SLC35D3: variants seen among roughly 807,000 people sequenced by gnomAD.
SLC35D3 encodes frc, fringe-like 1.
In SLC35D3, 18 loss-of-function variants were observed where a neutral mutation model predicts 20.3. That is an observed-to-expected ratio of 0.89 (90% CI 0.61 to 1.32). The LOEUF (loss-of-function observed/expected upper bound fraction) is 1.32, where lower values mean the gene tolerates loss of function less well. SLC35D3 is among the 40% of genes most tolerant of loss of function. The probability of loss-of-function intolerance (pLI) is 0.00; values close to 1 mark genes in which losing one functional copy is unlikely to be tolerated. For missense variants in SLC35D3, 556 were observed against 565.5 expected (o/e 0.98, Z 0.17); for synonymous variants, 313 against 263.5 (o/e 1.19, Z -1.82).
At position 136,923,812 on chromosome 6, in the gene SLC35D3, G is replaced by C; in HGVS notation, c.440-73G>C. On this transcript the variant is annotated intron_variant, in intron 1 of 1. Transcript: ENST00000331858. This position sits in a 1 kb window ranked among gnomAD's most constrained non-coding sequence, Gnocchi z 6.2. The stretch of plus-strand genomic sequence containing the variant: ...CGACGCGTTTTCCCCGTGGGTCCCC[G>C]CCCACGCCAACCTGCTGTCTTCTCT... 3 of 1,395,906 alleles carry C rather than the reference G, an allele frequency of 2.1e-6. No individual in the cohort carries two copies. The highest frequency in any genetic ancestry group is 2.8e-6 in the Non-Finnish European group (3 of 1,057,884). 86.5% of individuals were successfully genotyped at this position (1,395,906 alleles called of 1,614,324 possible).
Position 136,922,433 on chromosome 6 carries a change from G to A in SLC35D3, c.5G>A (p.Arg2Gln). The A allele has an allele frequency of 1.3e-6, 2 of 1,563,184 alleles. No homozygotes were observed. The highest frequency in any genetic ancestry group is 1.7e-6 in the Non-Finnish European group (2 of 1,158,182). Residue 2 changes from arginine to glutamine, a missense_variant, in exon 1 of 2, where the codon CGG becomes CAG. Physicochemically the swap from Arg to Gln is conservative, Grantham distance 43. Coordinates refer to ENST00000331858, the MANE Select transcript of SLC35D3 (RefSeq NM_001008783.3). This position sits in a 1 kb window ranked among gnomAD's most constrained non-coding sequence, Gnocchi z 6.8. Reference protein sequence around the residue: MRQLCRGRVLGI... With the variant: MQQLCRGRVLGI... ...GGGTGCGGCGAGGCCGGCGCGATGC[G>A]GCAGCTGTGCCGGGGCCGCGTGCTG...
chr6:136,922,625 C>T lies in SLC35D3; in HGVS notation c.197C>T (p.Ala66Val), dbSNP rs768180339. The T allele has an allele frequency of 2.5e-6, 4 of 1,610,694 alleles. No individual in the cohort carries two copies. In the East Asian group the frequency reaches 8.9e-5, roughly 36 times the overall value. Residue 66 changes from alanine to valine, a missense_variant, in exon 1 of 2, where the codon GCC becomes GTC. By Grantham distance (64) the Ala-to-Val change is moderately conservative. Coordinates refer to ENST00000331858, the MANE Select transcript of SLC35D3 (RefSeq NM_001008783.3). This position sits in a 1 kb window ranked among gnomAD's most constrained non-coding sequence, Gnocchi z 6.8. ...LELLRRLGLI[A>V]VPPFGLSLAR... ...CTGCTGCGGCGCCTCGGGCTCATCG[C>T]CGTGCCCCCCTTCGGTCTGAGCCTG...
At position 136,922,635 on chromosome 6, in the gene SLC35D3, C is replaced by T. The variant is rs771964030; in HGVS notation, c.207C>T (p.Pro69=). 6.2e-7 allele frequency: 1 copy of T among 1,610,190 alleles called. No homozygotes were observed. The highest frequency in any genetic ancestry group is 1.3e-5 in the African/African-American group (1 of 75,036). ...GCCTCGGGCTCATCGCCGTGCCCCC[C>T]TTCGGTCTGAGCCTGGCGCGCTCCT... ...LRRLGLIAVP[P]FGLSLARSFA... is the part of the protein sequence containing the mutation. Residue 69 remains proline (P), a synonymous_variant, in exon 1 of 2, where the codon CCC becomes CCT. Transcript: ENST00000331858. The surrounding 1 kb of genome is among the most constrained non-coding windows in gnomAD (Gnocchi z 6.8).
At position 136,923,888 on chromosome 6, in the gene SLC35D3, C is replaced by A; in HGVS notation, c.443C>A (p.Ala148Asp). 6.6e-7 allele frequency: 1 copy of A among 1,508,536 alleles called. No homozygotes were observed. The highest frequency in any genetic ancestry group is 8.9e-7 in the Non-Finnish European group (1 of 1,126,964). 93.4% of individuals were successfully genotyped at this position (1,508,536 alleles called of 1,614,324 possible). A position where few individuals can be genotyped will look rare whatever the true frequency, so the allele number is the denominator to read the frequency against. The change falls in exon 2 of 2, where the codon GCC becomes GAC. Residue 148 changes from alanine (A) to aspartate (D), a missense_variant. By Grantham distance (126) the Ala-to-Asp change is moderately radical. Coordinates refer to ENST00000331858, the MANE Select transcript of SLC35D3 (RefSeq NM_001008783.3). The surrounding 1 kb of genome is among the most constrained non-coding windows in gnomAD (Gnocchi z 6.2). ...ITTCGAALAG[A>D]GDLTGDPIGY... ...CCGTCCTCCTCGTGCGCCGCAGGAG[C>A]CGGCGACCTGACGGGCGACCCCATC... is the stretch of plus-strand genomic sequence containing the variant.
chr6:136,924,393 C>G lies in SLC35D3; in HGVS notation c.948C>G (p.Ala316=). Residue 316 remains alanine, a synonymous_variant, in exon 2 of 2, where the codon GCC becomes GCG. Coordinates refer to ENST00000331858, the MANE Select transcript of SLC35D3 (RefSeq NM_001008783.3). ...RKQSNYEDLE[A]QPRGEEAQLS... ...AAAGCAACTACGAGGACCTGGAGGC[C>G]CAGCCTCGGGGAGAGGAGGCGCAGC... 6.2e-7 allele frequency: 1 copy of G among 1,614,018 alleles called. No individual in the cohort carries two copies. Among genetic ancestry groups the G allele is most frequent in the Non-Finnish European group, 8.5e-7 (1 of 1,180,020 alleles).
At position 136,925,571 on chromosome 6, in the gene SLC35D3, G is replaced by A. The variant is rs1176853038; in HGVS notation, c.*875G>A. 1 of 152,174 alleles carries A rather than the reference G, an allele frequency of 6.6e-6. No homozygotes were observed. Among genetic ancestry groups the A allele is most frequent in the African/African-American group, 2.4e-5 (1 of 41,426 alleles). 9.4% of individuals were successfully genotyped at this position (152,174 alleles called of 1,614,324 possible). A position where few individuals can be genotyped will look rare whatever the true frequency, so the allele number is the denominator to read the frequency against. On this transcript the variant is annotated 3_prime_UTR_variant, in exon 2 of 2. Coordinates refer to ENST00000331858, the MANE Select transcript of SLC35D3 (RefSeq NM_001008783.3). Reference sequence around the variant, plus strand: ...AAACCATGTTACAAAAAGAGCAACTGCTATATTCACATTATGATATTTTTC... The same window carrying A: ...AAACCATGTTACAAAAAGAGCAACTACTATATTCACATTATGATATTTTTC...
rs757562966 is a variant in SLC35D3 at position 136,924,668 on chromosome 6, T to C, written c.1223T>C (p.Ile408Thr). The part of the protein sequence containing the change: ...GTRYMKKDYL[I>T]ENEELPSP Reference sequence around the variant, plus strand: ...AGGTATATGAAGAAGGATTATTTGATAGAAAACGAGGAGTTACCCAGTCCT... The same window carrying C: ...AGGTATATGAAGAAGGATTATTTGACAGAAAACGAGGAGTTACCCAGTCCT... The change falls in exon 2 of 2, where the codon ATA (isoleucine) becomes ACA (threonine). Residue 408 changes from isoleucine to threonine, a missense_variant. Transcript: ENST00000331858. 3.7e-6 allele frequency: 6 copies of C among 1,612,800 alleles called. No individual in the cohort carries two copies. The Admixed American group carries it at 1.0e-4, about 27-fold the overall frequency.
rs1193833817 is a variant in SLC35D3, at chr6:136,922,388, C to A, written c.-41C>A. The A allele has an allele frequency of 1.4e-6, 2 of 1,415,758 alleles. No individual in the cohort carries two copies. Among genetic ancestry groups the A allele is most frequent in the Non-Finnish European group, 1.8e-6 (2 of 1,092,162 alleles). 87.7% of individuals were successfully genotyped at this position (1,415,758 alleles called of 1,614,324 possible). A position where few individuals can be genotyped will look rare whatever the true frequency, so the allele number is the denominator to read the frequency against. On this transcript the variant is annotated 5_prime_UTR_variant, in exon 1 of 2. Coordinates refer to ENST00000331858, the MANE Select transcript of SLC35D3 (RefSeq NM_001008783.3). This position sits in a 1 kb window ranked among gnomAD's most constrained non-coding sequence, Gnocchi z 6.8. ...TGCTCCCGGCTCCTCGCGCGCAGGTCGCGGAGCTCCGCCACCGCTGGGTGC... is the reference window on the plus strand; with the variant it reads ...TGCTCCCGGCTCCTCGCGCGCAGGTAGCGGAGCTCCGCCACCGCTGGGTGC...
rs1466803457 is a variant in SLC35D3 at position 136,923,169 on chromosome 6, C to T, written c.439+302C>T. Among the ~76,000 whole-genome samples, 1 of 152,196 alleles carries T rather than the reference C, an allele frequency of 6.6e-6. No individual in the cohort carries two copies. The highest frequency in any genetic ancestry group is 2.4e-5 in the African/African-American group (1 of 41,446). On this transcript the variant is annotated intron_variant, in intron 1 of 1. Coordinates refer to ENST00000331858, the MANE Select transcript of SLC35D3 (RefSeq NM_001008783.3). This position sits in a 1 kb window ranked among gnomAD's most constrained non-coding sequence, Gnocchi z 6.2. ...CTCTCCTGGTCTTCCCCTGTCACCC[C>T]ATTCTCCGGGAGAGGTGGGAGGGCC...
Position 136,923,964 on chromosome 6 carries a change from G to T in SLC35D3, c.519G>T (p.Val173=). The stretch of plus-strand genomic sequence containing the variant: ...TGCTGGTGCACGCTGCCTACCTGGT[G>T]CTCATCCAGAAGGCCAGCGCAGACA... ...LAVLVHAAYL[V]LIQKASADTE... Residue 173 remains valine, a synonymous_variant, in exon 2 of 2, where the codon GTG becomes GTT. Coordinates refer to ENST00000331858, the MANE Select transcript of SLC35D3 (RefSeq NM_001008783.3). The surrounding 1 kb of genome is among the most constrained non-coding windows in gnomAD (Gnocchi z 6.2). 1 of 1,569,484 alleles carries T rather than the reference G, an allele frequency of 6.4e-7. No individual in the cohort carries two copies.
Position 136,924,975 on chromosome 6 carries a change from T to C in SLC35D3, c.*279T>C, listed in dbSNP as rs563533702. Reference sequence around the variant, plus strand: ...AGACTCCTGGCACATTTACTTTTTGTCATTATAACCATAACTAAATATCTG... The same window carrying C: ...AGACTCCTGGCACATTTACTTTTTGCCATTATAACCATAACTAAATATCTG... On this transcript the variant is annotated 3_prime_UTR_variant, in exon 2 of 2. Transcript: ENST00000331858. 1.7e-4 allele frequency: 53 copies of C among 309,086 alleles called. No homozygotes were observed. The highest frequency in any genetic ancestry group is 8.8e-4 in the African/African-American group (41 of 46,798). 19.1% of individuals were successfully genotyped at this position (309,086 alleles called of 1,614,324 possible).
In SLC35D3 at chr6:136,924,360, C is replaced by G. The variant is rs776829307; in HGVS notation, c.915C>G (p.Thr305=). Residue 305 remains threonine (T), a synonymous_variant, in exon 2 of 2, where the codon ACC becomes ACG. Transcript: ENST00000331858. The part of the protein sequence containing the change: ...IIYCVAKFME[T]RKQSNYEDLE... The stretch of plus-strand genomic sequence containing the variant: ...ACTGTGTGGCCAAGTTCATGGAGAC[C>G]AGAAAGCAAAGCAACTACGAGGACC... The G allele has an allele frequency of 6.2e-7, 1 of 1,614,104 alleles. No individual in the cohort carries two copies. Among genetic ancestry groups the G allele is most frequent in the Non-Finnish European group, 8.5e-7 (1 of 1,180,034 alleles).
rs758623842 is a variant in SLC35D3, at chr6:136,922,852, G to C, written c.424G>C (p.Gly142Arg). 7.1e-6 allele frequency: 11 copies of C among 1,539,274 alleles called. No individual in the cohort carries two copies. The highest frequency in any genetic ancestry group is 9.6e-6 in the Non-Finnish European group (11 of 1,145,828). ...GGCGGCGGTGCTCATCACCACCTGC[G>C]GCGCCGCCCTGGCAGGTGAGCGGGC... ...VLAAVLITTC[G>R]AALAGAGDLT... The change falls in exon 1 of 2, where the codon GGC becomes CGC. Residue 142 changes from glycine to arginine, a missense_variant. Gly to Arg is a moderately radical substitution (Grantham distance 125). Transcript: ENST00000331858. This position sits in a 1 kb window ranked among gnomAD's most constrained non-coding sequence, Gnocchi z 6.8.
At position 136,922,629 on chromosome 6, in the gene SLC35D3, G is replaced by GC. The variant is rs1247090168; in HGVS notation, c.207dup (p.Phe70LeufsTer309). The GC allele has an allele frequency of 5.0e-6, 8 of 1,610,074 alleles. No homozygotes were observed. Among genetic ancestry groups the GC allele is most frequent in the African/African-American group, 1.3e-5 (1 of 74,892 alleles). On this transcript the variant is annotated frameshift_variant, in exon 1 of 2. Transcript: ENST00000331858. LOFTEE classifies it high-confidence loss of function. This position sits in a 1 kb window ranked among gnomAD's most constrained non-coding sequence, Gnocchi z 6.8. ...TGCGGCGCCTCGGGCTCATCGCCGTGCCCCCCTTCGGTCTGAGCCTGGCGC... is the reference window on the plus strand; with the variant it reads ...TGCGGCGCCTCGGGCTCATCGCCGTGCCCCCCCTTCGGTCTGAGCCTGGCGC...
In SLC35D3 at chr6:136,923,386, G is replaced by C. The variant is rs1212548874; in HGVS notation, c.440-499G>C. On this transcript the variant is annotated intron_variant, in intron 1 of 1. Coordinates refer to ENST00000331858, the MANE Select transcript of SLC35D3 (RefSeq NM_001008783.3). This position sits in a 1 kb window ranked among gnomAD's most constrained non-coding sequence, Gnocchi z 6.2. ...CCCTGGGGCAGACGACCCAGGTGCT[G>C]AGCGAGACGAGAGCCTGGGCAGGGG... 6.6e-6 allele frequency among the ~76,000 whole-genome samples: 1 copy of C among 152,200 alleles called. No homozygotes were observed. Among genetic ancestry groups the C allele is most frequent in the African/African-American group, 2.4e-5 (1 of 41,446 alleles).
In SLC35D3 at chr6:136,922,422, C is replaced by G; in HGVS notation, c.-7C>G. On this transcript the variant is annotated 5_prime_UTR_variant, in exon 1 of 2. Transcript: ENST00000331858. The surrounding 1 kb of genome is among the most constrained non-coding windows in gnomAD (Gnocchi z 6.8). ...CCGCCACCGCTGGGTGCGGCGAGGC[C>G]GGCGCGATGCGGCAGCTGTGCCGGG... The G allele has an allele frequency of 2.0e-6, 3 of 1,533,160 alleles. No individual in the cohort carries two copies. Among genetic ancestry groups the G allele is most frequent in the Admixed American group, 2.0e-5 (1 of 50,238 alleles). The allele number at this position is 1,533,160 out of a possible 1,614,324, so 95.0% of individuals were successfully genotyped here.
chr6:136,924,703 G>A lies in SLC35D3; in HGVS notation c.*7G>A. 1 of 1,604,162 alleles carries A rather than the reference G, an allele frequency of 6.2e-7. No individual in the cohort carries two copies. Among genetic ancestry groups the A allele is most frequent in the Admixed American group, 1.7e-5 (1 of 59,752 alleles). ...GGAGTTACCCAGTCCTTGAGAAGGA[G>A]GTGCATGTACGTACCTATGTGCATA... is the stretch of plus-strand genomic sequence containing the variant. On this transcript the variant is annotated 3_prime_UTR_variant, in exon 2 of 2. Coordinates refer to ENST00000331858, the MANE Select transcript of SLC35D3 (RefSeq NM_001008783.3).
Position 136,924,073 on chromosome 6 carries a change from G to A in SLC35D3, c.628G>A (p.Asp210Asn). The A allele has an allele frequency of 1.9e-6, 3 of 1,611,484 alleles. No individual in the cohort carries two copies. The highest frequency in any genetic ancestry group is 2.5e-6 in the Non-Finnish European group (3 of 1,179,538). ...GGTCATCTGCTCCTTCGCCAGCACC[G>A]ACTCCATCCACGCCTGGACCTTCCC... is the stretch of plus-strand genomic sequence containing the variant. ...LLVICSFAST[D>N]SIHAWTFPGW... Residue 210 changes from aspartate (D) to asparagine (N), a missense_variant, in exon 2 of 2, where the codon GAC (aspartate) becomes AAC (asparagine). Asp to Asn is a conservative substitution (Grantham distance 23, BLOSUM62 1). Transcript: ENST00000331858.
At position 136,923,790 on chromosome 6, in the gene SLC35D3, C is replaced by T. The variant is rs541301300; in HGVS notation, c.440-95C>T. On this transcript the variant is annotated intron_variant, in intron 1 of 1. Transcript: ENST00000331858. This position sits in a 1 kb window ranked among gnomAD's most constrained non-coding sequence, Gnocchi z 6.2. ...GAACCCAGTCTCCTTTCCTACCCGACGCGTTTTCCCCGTGGGTCCCCGCCC... is the reference window on the plus strand; with the variant it reads ...GAACCCAGTCTCCTTTCCTACCCGATGCGTTTTCCCCGTGGGTCCCCGCCC... The T allele has an allele frequency of 1.6e-6, 2 of 1,215,846 alleles. No homozygotes were observed. Among genetic ancestry groups the T allele is most frequent in the South Asian group, 1.6e-5 (1 of 63,752 alleles). The allele number at this position is 1,215,846 out of a possible 1,614,324, so 75.3% of individuals were successfully genotyped here.
Sources: allele counts gnomAD v4.1 joint callset (sites outside exome capture counted in the v4.1 genomes callset), GRCh38; gene constraint gnomAD v4.1.1; non-coding constraint Gnocchi (gnomAD v3.1); transcripts MANE v1.5; gene names NCBI Gene and HGNC (gene_info 2026-07-23, HGNC 2026-07-21).